Variants in ROBO1 observed in about 807,000 individuals in gnomAD.
ROBO1 encodes the protein roundabout guidance receptor 1.
In ROBO1, 149 loss-of-function variants were observed where a neutral mutation model predicts 195.9. The observed-to-expected ratio is 0.76, with a 90% CI of 0.67 to 0.87. The LOEUF (loss-of-function observed/expected upper bound fraction) is 0.87, where lower values mean the gene tolerates loss of function less well. Ranked by LOEUF, ROBO1 falls within the 40% of genes least tolerant of loss-of-function variation. The pLI, the probability that ROBO1 is intolerant of heterozygous loss-of-function variation, is 0.00. For synonymous variants in ROBO1, 816 were observed against 733.2 expected, an observed-to-expected ratio of 1.11 and a Z score of -1.82; for missense variants, 1,933 against 2,068.3, an observed-to-expected ratio of 0.93 and a Z score of 1.27.
At chr3:79,752,535 T>G (rs1039401834) in intron 1 of ROBO1, among the ~76,000 whole-genome samples, 2 of 152,004 alleles carry the variant, frequency 1.3e-5, no homozygotes, top group Admixed American at 1.3e-4. Flanking sequence ...GAAAAGAAAT[T>G]AGGTGAGGAA....
In ROBO1 at chr3:78,696,019, C is replaced by T. The variant is rs567299816; in HGVS notation, c.1046-7247G>A. ...ATATTTCTCCTTTCTCTACATTTCT[C>T]CAAAGGTCAGGTAAAAGGATTTCCT... On this transcript the variant is annotated intron_variant, in intron 8 of 30. Transcript: ENST00000464233. 6.8e-4 allele frequency among the ~76,000 whole-genome samples: 103 copies of T among 151,948 alleles called. 1 individual carries two copies. Among genetic ancestry groups the T allele is most frequent in the South Asian group, 1.2e-3 (6 of 4,820 alleles).
intron 2 of ROBO1, among the ~76,000 whole-genome samples, chr3:79,507,453 A>G (rs1439892890): frequency 1.3e-5 from 2 of 152,178 alleles, no homozygotes; most frequent in Admixed American, 1.3e-4. Context: ...AGAGGATGCA[A>G]ATTTTTTGTG....
At chr3:79,658,744 T>C (rs1946243168) in intron 1 of ROBO1, among the ~76,000 whole-genome samples, 1 of 151,872 alleles carries the variant, frequency 6.6e-6, no homozygotes. Flanking sequence ...GACATTACAA[T>C]TGTACTCCCT....
chr3:79,564,746 C>T (rs1299149543), intron 2 of ROBO1, among the ~76,000 whole-genome samples: 1 of 151,900 alleles, frequency 6.6e-6, no homozygotes, highest in Non-Finnish European at 1.5e-5. Flanking sequence ...TTGTCAATGG[C>T]TTGGTATAGT....
At chr3:79,538,799 TTAATAA>T (rs1370084865) in intron 2 of ROBO1, among the ~76,000 whole-genome samples, 1 of 152,202 alleles carries the variant, frequency 6.6e-6, no homozygotes, top group African/African-American at 2.4e-5. Flanking sequence ...CTAAACCTTA[TTAATAA>T]TGATTCCTTT....
At chr3:79,679,342 T>C (rs927082021) in intron 1 of ROBO1, among the ~76,000 whole-genome samples, 47 of 152,112 alleles carry the variant, frequency 3.1e-4, no homozygotes, top group African/African-American at 1.0e-3. Context: ...TTCCATATTA[T>C]AGGTATGTAA....
Position 79,327,881 on chromosome 3 carries a change from A to G in ROBO1, c.89-202342T>C, listed in dbSNP as rs2034278020. ...GCAATAATGGAAATAGCACGCCACTACATGAAACAGAGTATTAAGGATCTG... is the reference window on the plus strand; with the variant it reads ...GCAATAATGGAAATAGCACGCCACTGCATGAAACAGAGTATTAAGGATCTG... On this transcript the variant is annotated intron_variant, in intron 2 of 30. Coordinates refer to ENST00000464233, the MANE Select transcript of ROBO1 (RefSeq NM_002941.4). Among the ~76,000 whole-genome samples, 6 of 152,204 alleles carry G rather than the reference A, an allele frequency of 3.9e-5. No homozygotes were observed. In the South Asian group the frequency reaches 1.0e-3, roughly 26 times the overall value.
intron 2 of ROBO1, among the ~76,000 whole-genome samples, chr3:79,259,294 C>T (rs994900256): frequency 8.6e-5 from 13 of 151,826 alleles, no homozygotes; most frequent in Non-Finnish European, 1.8e-4. Flanking sequence ...AACACCATGC[C>T]CAGTTAGTTT....
intron 2 of ROBO1, among the ~76,000 whole-genome samples, chr3:79,170,036 G>A (rs2081139342): frequency 1.3e-5 from 2 of 152,156 alleles, no homozygotes. Context: ...GCGAGAGAGA[G>A]AAAACACACT....
In ROBO1 at chr3:79,751,012, A is replaced by G. The variant is rs540711101; in HGVS notation, c.-51+16740T>C. ...AGAAATAATTACTTTAAAATAAATA[A>G]TTTCATGTAGATTTGTAGTCTAACT... is the stretch of plus-strand genomic sequence containing the variant. On this transcript the variant is annotated intron_variant, in intron 1 of 30. Transcript: ENST00000464233. Among the ~76,000 whole-genome samples the G allele has an allele frequency of 2.6e-5, 4 of 152,308 alleles. No homozygotes were observed. The East Asian group carries it at 5.8e-4, about 22-fold the overall frequency.
At chr3:79,270,573 T>C (rs1226162586) in intron 2 of ROBO1, among the ~76,000 whole-genome samples, 1 of 151,762 alleles carries the variant, frequency 6.6e-6, no homozygotes, top group Non-Finnish European at 1.5e-5. Context: ...AAGACCAACA[T>C]TATCATATGC....
chr3:79,406,133 A>G (rs1165019824), intron 2 of ROBO1, among the ~76,000 whole-genome samples: 1 of 151,986 alleles, frequency 6.6e-6, no homozygotes, highest in East Asian at 1.9e-4. Flanking sequence ...GGCCAGTGAG[A>G]GCAGAAAAGG....
intron 3 of ROBO1, among the ~76,000 whole-genome samples, chr3:79,116,310 C>T (rs938610542): frequency 6.7e-6 from 1 of 150,340 alleles, no homozygotes; most frequent in East Asian, 2.0e-4. Context: ...TTCTTTCCTT[C>T]CTTCCTTTTC....
At chr3:79,393,218 C>T (rs114945271) in intron 2 of ROBO1, among the ~76,000 whole-genome samples, 2,473 of 152,242 alleles carry the variant, frequency 0.016, 33 homozygotes, top group Non-Finnish European at 0.027. Flanking sequence ...TGGATGAATG[C>T]TGGTGTAGAA....
At chr3:78,877,665 A>G (rs561903031) in intron 4 of ROBO1, among the ~76,000 whole-genome samples, 1 of 152,294 alleles carries the variant, frequency 6.6e-6, no homozygotes, top group East Asian at 1.9e-4. Context: ...TATCTCTCAG[A>G]CCATTCCTAA....
At chr3:79,211,195 T>C (rs1368490803) in intron 2 of ROBO1, among the ~76,000 whole-genome samples, 4 of 152,102 alleles carry the variant, frequency 2.6e-5, no homozygotes, top group Admixed American at 6.6e-5. Context: ...CTTTTATTTC[T>C]GAATGAGACA....
chr3:79,183,037 C>T (rs1014972238), intron 2 of ROBO1, among the ~76,000 whole-genome samples: 2 of 145,978 alleles, frequency 1.4e-5, no homozygotes, highest in South Asian at 2.1e-4. Context: ...GCCGAGATCG[C>T]GCCGCTGCAC....
intron 3 of ROBO1, among the ~76,000 whole-genome samples, chr3:79,005,078 T>A (rs186573071): frequency 6.6e-6 from 1 of 152,294 alleles, no homozygotes; most frequent in East Asian, 1.9e-4. Flanking sequence ...AATCCGTTAT[T>A]ATTGGCAAGC....
Position 79,070,723 on chromosome 3 carries a change from A to C in ROBO1, c.172+54733T>G, listed in dbSNP as rs1312774519. Among the ~76,000 whole-genome samples the C allele has an allele frequency of 2.0e-5, 3 of 151,902 alleles. No homozygotes were observed. In the East Asian group the frequency reaches 5.9e-4, roughly 30 times the overall value. The stretch of plus-strand genomic sequence containing the variant: ...GACTCAGTGAATATCTTTAATCTGA[A>C]GAGCCATGTACCTCTTTATCTTTGG... On this transcript the variant is annotated intron_variant, in intron 3 of 30. Coordinates refer to ENST00000464233, the MANE Select transcript of ROBO1 (RefSeq NM_002941.4).
Sources: gnomAD v4.1 joint callset for allele counts (sites outside exome capture counted in the v4.1 genomes callset) on GRCh38, gnomAD v4.1.1 for gene constraint, MANE v1.5 for transcripts, NCBI Gene and HGNC (gene_info 2026-07-23, HGNC 2026-07-21) for gene names.